Variants in FHIP2A observed in about 807,000 individuals in gnomAD.
FHIP2A encodes the protein family with sequence similarity 160 member B1.
FHIP2A carries 46 observed loss-of-function variants against 93.5 expected under a neutral mutation model. The ratio of observed to expected loss-of-function variants is 0.49; its 90% confidence interval spans 0.39 to 0.63. FHIP2A has a LOEUF of 0.63. Ranked by LOEUF, FHIP2A falls within the 20% of genes least tolerant of loss-of-function variation. The pLI, the probability that FHIP2A is intolerant of heterozygous loss-of-function variation, is 0.00. For synonymous variants in FHIP2A, 332 were observed against 326.5 expected, an observed-to-expected ratio of 1.02 and a Z score of -0.18; for missense variants, 769 against 909.7, an observed-to-expected ratio of 0.85 and a Z score of 1.99.
intron 1 of FHIP2A, among the ~76,000 whole-genome samples, chr10:114,826,238 A>T (rs1450124191): frequency 6.6e-6 from 1 of 152,234 alleles, no homozygotes; most frequent in Non-Finnish European, 1.5e-5. Flanking sequence ...TTACAGTCTC[A>T]TATGGGAAAC....
At chr10:114,859,808 G>T (rs2083787194) in intron 14 of FHIP2A, among the ~76,000 whole-genome samples, 1 of 152,108 alleles carries the variant, frequency 6.6e-6, no homozygotes, top group Non-Finnish European at 1.5e-5. Flanking sequence ...GTTGTTTGGA[G>T]AAAGTTAATA....
At chr10:114,843,309 T>C in intron 6 of FHIP2A, 83 bp downstream of exon 6, 1 of 973,732 alleles carries the variant, frequency 1.0e-6, no homozygotes. Flanking sequence ...TAATTTTTAA[T>C]TTATTTTTTT....
At chr10:114,849,152 AAAG>A (rs1445444132) in intron 13 of FHIP2A, among the ~76,000 whole-genome samples, 4 of 148,730 alleles carry the variant, frequency 2.7e-5, no homozygotes, top group African/African-American at 7.6e-5. Context: ...AAAAAAAAAA[AAAG>A]ACCTGGTCTC....
At chr10:114,843,301 A>T in intron 6 of FHIP2A, 75 bp downstream of exon 6, 1 of 1,019,654 alleles carries the variant, frequency 9.8e-7, no homozygotes, top group Non-Finnish European at 1.3e-6. Context: ...TTTAATTTTA[A>T]TTTTTAATTT....
chr10:114,898,917 A>G (rs181154127), intron 16 of FHIP2A, among the ~76,000 whole-genome samples: 109 of 150,996 alleles, frequency 7.2e-4, no homozygotes, highest in Non-Finnish European at 1.2e-3. Context: ...AAGATTGGTC[A>G]TAACATTTGT....
intron 14 of FHIP2A, among the ~76,000 whole-genome samples, chr10:114,858,009 A>G (rs568548945): frequency 1.3e-5 from 2 of 152,316 alleles, no homozygotes; most frequent in South Asian, 2.1e-4. Flanking sequence ...CACATTTTCT[A>G]ATTGTTAAAG....
intron 14 of FHIP2A, among the ~76,000 whole-genome samples, chr10:114,859,972 G>A (rs918735852): frequency 3.3e-5 from 5 of 152,138 alleles, no homozygotes; most frequent in African/African-American, 1.2e-4. Flanking sequence ...TTTACTGTAT[G>A]TGTTTTTGGG....
Position 114,835,534 on chromosome 10 carries a change from C to T in FHIP2A, c.295-3C>T, listed in dbSNP as rs769687070. The T allele has an allele frequency of 1.3e-6, 2 of 1,592,602 alleles. No individual in the cohort carries two copies. Among genetic ancestry groups the T allele is most frequent in the Non-Finnish European group, 1.7e-6 (2 of 1,162,090 alleles). ...TGTTGGCTTCCTTTTTTCCTATACC[C>T]AGTGTCCTCCGGGAATGAAACAGCA... On this transcript the variant is annotated splice_polypyrimidine_tract_variant and splice_region_variant and intron_variant, in intron 3 of 16. Transcript: ENST00000369248.
At chr10:114,871,138 T>C (rs1477699818) in intron 16 of FHIP2A, among the ~76,000 whole-genome samples, 4 of 149,460 alleles carry the variant, frequency 2.7e-5, no homozygotes, top group East Asian at 1.9e-4. Flanking sequence ...TATATATATA[T>C]ACACACATAT....
At chr10:114,867,375 A>T (rs566798854), downstream of FHIP2A, among the ~76,000 whole-genome samples, 81 of 152,266 alleles carry the variant, frequency 5.3e-4, no homozygotes, top group African/African-American at 1.9e-3. Flanking sequence ...TTCTCAGCTG[A>T]TGAATAGCAA....
At chr10:114,885,667 A>G (rs1290981134) in intron 16 of FHIP2A, among the ~76,000 whole-genome samples, 2 of 152,124 alleles carry the variant, frequency 1.3e-5, no homozygotes, top group African/African-American at 2.4e-5. Flanking sequence ...TTCCCATGCT[A>G]TTCACCCCAC....
intron 5 of FHIP2A, among the ~76,000 whole-genome samples, chr10:114,839,889 A>G (rs1315729043): frequency 6.6e-6 from 1 of 151,688 alleles, no homozygotes; most frequent in Non-Finnish European, 1.5e-5. Flanking sequence ...CTCAAAAAAA[A>G]AAAAAAAAAA....
At chr10:114,879,844 C>T (rs978443489) in intron 16 of FHIP2A, among the ~76,000 whole-genome samples, 4 of 152,168 alleles carry the variant, frequency 2.6e-5, no homozygotes, top group African/African-American at 9.7e-5. Context: ...ACTTTTTAGA[C>T]ACAGGAGGCT....
intron 5 of FHIP2A, among the ~76,000 whole-genome samples, chr10:114,838,654 T>A: frequency 6.6e-6 from 1 of 152,204 alleles, no homozygotes; most frequent in East Asian, 1.9e-4. Context: ...CCTGGAGAAT[T>A]TCTTTCTCAA....
chr10:114,822,234 G>A, intron 1 of FHIP2A, 111 bp downstream of exon 1: 1 of 604,474 alleles, frequency 1.7e-6, no homozygotes, highest in Non-Finnish European at 2.2e-6. Flanking sequence ...CGGCGGCCCT[G>A]TCCCCGGTTG....
chr10:114,898,802 A>G (rs552616781), intron 16 of FHIP2A, among the ~76,000 whole-genome samples: 75 of 152,226 alleles, frequency 4.9e-4, no homozygotes, highest in Non-Finnish European at 9.4e-4. Flanking sequence ...TGCACAGAGA[A>G]GCACTTAGAA....
chr10:114,832,153 T>G (rs1203172997), intron 2 of FHIP2A, among the ~76,000 whole-genome samples: 1 of 152,208 alleles, frequency 6.6e-6, no homozygotes, highest in African/African-American at 2.4e-5. Context: ...TAATTTAACC[T>G]TAGTATAATA....
intron 16 of FHIP2A, among the ~76,000 whole-genome samples, chr10:114,875,649 T>A (rs1312433051): frequency 6.6e-6 from 1 of 150,454 alleles, no homozygotes; most frequent in Non-Finnish European, 1.5e-5. Context: ...GAGCCAAGAT[T>A]GCGCCATTGC....
At position 114,864,508 on chromosome 10, in the gene FHIP2A, A is replaced by G; in HGVS notation, c.*2968A>G. On this transcript the variant is annotated 3_prime_UTR_variant, in exon 17 of 17. Transcript: ENST00000369248. ...TTACATTAAACAGGATATTTGGTAA[A>G]TTTTTTTGTATTGAAAGTTGTGTAG... The G allele has an allele frequency of 1.0e-6, 1 of 985,658 alleles. No homozygotes were observed. The highest frequency in any genetic ancestry group is 1.2e-6 in the Non-Finnish European group (1 of 829,892). 61.1% of individuals were successfully genotyped at this position (985,658 alleles called of 1,614,324 possible). A position where few individuals can be genotyped will look rare whatever the true frequency, so the allele number is the denominator to read the frequency against.
Sources: gnomAD v4.1 joint callset for allele counts (sites outside exome capture counted in the v4.1 genomes callset) on GRCh38, gnomAD v4.1.1 for gene constraint, MANE v1.5 for transcripts, NCBI Gene and HGNC (gene_info 2026-07-23, HGNC 2026-07-21) for gene names.